The following PTPRD variants were observed in gnomAD, a reference collection of about 807,000 sequenced individuals.
The protein encoded by PTPRD is protein tyrosine phosphatase receptor type D.
Under a neutral mutation model 214.5 loss-of-function variants are expected in PTPRD, and 34 were observed. That is an observed-to-expected ratio of 0.16 (90% confidence interval 0.12 to 0.21). The LOEUF (loss-of-function observed/expected upper bound fraction) is 0.21. PTPRD is among the 10% of genes least tolerant of loss of function. PTPRD has a pLI of 1.00. For missense variants in PTPRD, 2,545 were observed against 2,398.7 expected (o/e 1.06, Z -1.27); for synonymous variants, 1,128 against 845.7 (o/e 1.33, Z -5.79).
chr9:9,862,181 C>A (rs1403118921), intron 5 of PTPRD, among the ~76,000 whole-genome samples: 1 of 151,548 alleles, frequency 6.6e-6, no homozygotes, highest in East Asian at 1.9e-4. Context: ...CACCTCTTGC[C>A]AAACTTGTTT....
Position 9,588,313 on chromosome 9 carries a change from C to G in PTPRD, c.-286-13532G>C, listed in dbSNP as rs973759201. Among the ~76,000 whole-genome samples, 7 of 151,898 alleles carry G rather than the reference C, an allele frequency of 4.6e-5. No individual in the cohort carries two copies. The South Asian group carries it at 1.5e-3, about 31-fold the overall frequency. ...TTTCAGTTCATTCAGTTCCTTTATT[C>G]ATGGCAATGTTTGCTTCTACTGAGT... On this transcript the variant is annotated intron_variant, in intron 7 of 45. Transcript: ENST00000381196.
At chr9:9,663,807 A>G (rs902329605) in intron 7 of PTPRD, among the ~76,000 whole-genome samples, 5 of 151,610 alleles carry the variant, frequency 3.3e-5, no homozygotes, top group African/African-American at 1.2e-4. Flanking sequence ...TGATAGTTTT[A>G]ACAGCTGTAA....
intron 10 of PTPRD, among the ~76,000 whole-genome samples, chr9:9,110,466 T>C (rs1369851476): frequency 6.6e-6 from 1 of 152,160 alleles, no homozygotes. Flanking sequence ...TTACAGAGTA[T>C]ATCACATATT....
At chr9:9,504,079 G>T (rs2096507989) in intron 8 of PTPRD, among the ~76,000 whole-genome samples, 1 of 151,668 alleles carries the variant, frequency 6.6e-6, no homozygotes, top group Non-Finnish European at 1.5e-5. Context: ...TATTCTCATT[G>T]CAATACCCTA....
At chr9:9,797,261 T>C (rs1443558459) in intron 5 of PTPRD, among the ~76,000 whole-genome samples, 2 of 150,688 alleles carry the variant, frequency 1.3e-5, no homozygotes, top group Non-Finnish European at 3.0e-5. Context: ...TTTTTTTTTT[T>C]TTTTAAACAG....
At chr9:9,690,770 G>C (rs548367792) in intron 7 of PTPRD, among the ~76,000 whole-genome samples, 1 of 151,776 alleles carries the variant, frequency 6.6e-6, no homozygotes, top group African/African-American at 2.4e-5. Flanking sequence ...AAATGAGTTG[G>C]CTGTAAATGT....
chr9:8,705,911 T>C (rs1053429174), intron 12 of PTPRD, among the ~76,000 whole-genome samples: 31 of 152,198 alleles, frequency 2.0e-4, no homozygotes, highest in Non-Finnish European at 3.7e-4. Flanking sequence ...GCTCTATCAA[T>C]AGTAATAAAA....
chr9:8,845,752 C>G (rs2097681644), intron 11 of PTPRD, among the ~76,000 whole-genome samples: 1 of 152,192 alleles, frequency 6.6e-6, no homozygotes, highest in South Asian at 2.1e-4. Context: ...GTGTGTGCTT[C>G]ACCAGGCACA....
At chr9:9,730,612 T>C (rs562069888) in intron 7 of PTPRD, among the ~76,000 whole-genome samples, 1 of 152,264 alleles carries the variant, frequency 6.6e-6, no homozygotes, top group East Asian at 1.9e-4. Flanking sequence ...AGATCAGGGT[T>C]ACTACTCAAA....
At chr9:10,388,324 T>A (rs914270775) in intron 2 of PTPRD, among the ~76,000 whole-genome samples, 3 of 151,736 alleles carry the variant, frequency 2.0e-5, no homozygotes, top group African/African-American at 7.3e-5. Context: ...CATCCTGAGA[T>A]AAAATGATTA....
chr9:10,491,646 T>G (rs1438815361), intron 2 of PTPRD, among the ~76,000 whole-genome samples: 1 of 151,860 alleles, frequency 6.6e-6, no homozygotes, highest in Non-Finnish European at 1.5e-5. Context: ...TTAAAAGACC[T>G]GGAGGCTTGC....
chr9:9,711,113 A>G (rs974555484), intron 7 of PTPRD, among the ~76,000 whole-genome samples: 1 of 152,154 alleles, frequency 6.6e-6, no homozygotes, highest in African/African-American at 2.4e-5. Context: ...CCTAAACTGT[A>G]ATAAGCAGGT....
intron 3 of PTPRD, among the ~76,000 whole-genome samples, chr9:10,041,068 T>A (rs1477532312): frequency 6.6e-6 from 1 of 152,062 alleles, no homozygotes; most frequent in Non-Finnish European, 1.5e-5. Context: ...TGTAAAAACA[T>A]AATTTTTCAT....
intron 14 of PTPRD, among the ~76,000 whole-genome samples, chr9:8,572,400 G>T (rs2091401804): frequency 1.3e-5 from 2 of 152,004 alleles, no homozygotes; most frequent in South Asian, 4.1e-4. Context: ...TAACATGAGT[G>T]CAGTGACAAG....
chr9:10,023,513 A>G (rs2096863458), intron 4 of PTPRD, among the ~76,000 whole-genome samples: 1 of 152,132 alleles, frequency 6.6e-6, no homozygotes, highest in Admixed American at 6.5e-5. Context: ...CTGTGTTTGT[A>G]CCATCAAATA....
chr9:9,430,584 C>T (rs926701104), intron 8 of PTPRD, among the ~76,000 whole-genome samples: 5 of 152,082 alleles, frequency 3.3e-5, no homozygotes, highest in Non-Finnish European at 5.9e-5. Flanking sequence ...AAAAAGAGCC[C>T]GCATTGCCAA....
intron 9 of PTPRD, among the ~76,000 whole-genome samples, chr9:9,305,412 C>A (rs1021877684): frequency 6.6e-6 from 1 of 151,968 alleles, no homozygotes; most frequent in African/African-American, 2.4e-5. Flanking sequence ...TGTATAAGGT[C>A]TTAATTGGAA....
chr9:10,248,511 C>CA (rs869102479), intron 3 of PTPRD, among the ~76,000 whole-genome samples: 405 of 11,672 alleles, frequency 0.035, 12 homozygotes, highest in African/African-American at 0.077. Flanking sequence ...GTACATATAG[C>CA]AAAAAAAAAA....
intron 3 of PTPRD, among the ~76,000 whole-genome samples, chr9:10,080,576 C>A (rs1000591683): frequency 6.6e-6 from 1 of 152,022 alleles, no homozygotes. Context: ...TATTTGAAAC[C>A]ATTAAGAAAC....
Sources: allele counts gnomAD v4.1 joint callset (sites outside exome capture counted in the v4.1 genomes callset), GRCh38; gene constraint gnomAD v4.1.1; transcripts MANE v1.5; gene names NCBI Gene and HGNC (gene_info 2026-07-23, HGNC 2026-07-21).